LUZP2: variants seen among roughly 807,000 people sequenced by gnomAD.
LUZP2 encodes the protein leucine zipper protein 2.
Under a neutral mutation model 51.6 loss-of-function variants are expected in LUZP2, and 52 were observed. That is an observed-to-expected ratio of 1.01 (90% CI 0.81 to 1.27). The LOEUF is 1.27. Among genes scored for constraint, LUZP2 ranks in the 50% most tolerant of loss-of-function variants. The pLI, the probability that LUZP2 is intolerant of heterozygous loss-of-function variation, is 0.00. For synonymous variants in LUZP2, 154 were observed against 137.3 expected (o/e 1.12, Z -0.85); for missense variants, 436 against 395.4 (o/e 1.10, Z -0.87).
chr11:24,973,979 A>C (rs1459663695), intron 7 of LUZP2, among the ~76,000 whole-genome samples: 1 of 151,752 alleles, frequency 6.6e-6, no homozygotes, highest in Non-Finnish European at 1.5e-5. Context: ...TTCAGTTCCT[A>C]ATTATCTTTG....
At chr11:24,537,130 C>G (rs1472563281) in intron 1 of LUZP2, among the ~76,000 whole-genome samples, 1 of 151,776 alleles carries the variant, frequency 6.6e-6, no homozygotes, top group Non-Finnish European at 1.5e-5. Context: ...GACTACAGAT[C>G]ACTATAATGG....
In LUZP2 at chr11:24,729,203, G is replaced by T. The variant is rs1170322649; in HGVS notation, c.97G>T (p.Glu33Ter). 3.8e-6 allele frequency: 6 copies of T among 1,575,488 alleles called. No individual in the cohort carries two copies. The highest frequency in any genetic ancestry group is 4.3e-6 in the Non-Finnish European group (5 of 1,154,302). ...TGAAGAGCTAGAAAAGCAGCTGAAAGAAGTCTTTAAGGAGCGAAGCACCAT... is the reference window on the plus strand; with the variant it reads ...TGAAGAGCTAGAAAAGCAGCTGAAATAAGTCTTTAAGGAGCGAAGCACCAT... ...DYEELEKQLK[E>*]VFKERSTILR... The change falls in exon 2 of 12, where the codon GAA (glutamate) becomes TAA (stop). Residue 33 changes from glutamate to a stop codon, truncating the protein, a stop_gained. Coordinates refer to ENST00000336930, the MANE Select transcript of LUZP2 (RefSeq NM_001009909.4). LOFTEE classifies it high-confidence loss of function.
chr11:24,532,862 T>A (rs1851053007), intron 1 of LUZP2, among the ~76,000 whole-genome samples: 1 of 151,092 alleles, frequency 6.6e-6, no homozygotes, highest in South Asian at 2.1e-4. Flanking sequence ...TCAGGTAAAT[T>A]GTATAATAAA....
At chr11:24,719,380 A>T (rs977927823) in intron 1 of LUZP2, among the ~76,000 whole-genome samples, 1 of 152,182 alleles carries the variant, frequency 6.6e-6, no homozygotes, top group African/African-American at 2.4e-5. Flanking sequence ...TGGCCCCAAA[A>T]TATCCATCTT....
chr11:24,860,024 A>G (rs1851690895), intron 5 of LUZP2, among the ~76,000 whole-genome samples: 1 of 152,192 alleles, frequency 6.6e-6, no homozygotes, highest in Non-Finnish European at 1.5e-5. Flanking sequence ...AACCGGTGCT[A>G]GGACTCACAA....
At chr11:25,050,995 G>C (rs1412064195) in intron 10 of LUZP2, among the ~76,000 whole-genome samples, 4 of 152,076 alleles carry the variant, frequency 2.6e-5, no homozygotes, top group Non-Finnish European at 5.9e-5. Context: ...ATTTAGATTT[G>C]AGAACAGCAA....
intron 1 of LUZP2, among the ~76,000 whole-genome samples, chr11:24,579,185 A>T (rs947186227): frequency 5.3e-5 from 8 of 152,148 alleles, no homozygotes; most frequent in African/African-American, 1.7e-4. Flanking sequence ...GACACAGAGC[A>T]TATAGAATAT....
intron 5 of LUZP2, among the ~76,000 whole-genome samples, chr11:24,880,234 A>G (rs952770984): frequency 1.3e-5 from 2 of 151,960 alleles, no homozygotes; most frequent in Non-Finnish European, 2.9e-5. Context: ...CTGCTGTGAC[A>G]CTGAGTTTAG....
At chr11:24,677,200 T>C (rs1034195811) in intron 1 of LUZP2, among the ~76,000 whole-genome samples, 1 of 152,214 alleles carries the variant, frequency 6.6e-6, no homozygotes, top group Non-Finnish European at 1.5e-5. Context: ...GCCGCCCTCA[T>C]GCTTCCATTC....
At chr11:24,607,676 A>C (rs1853974816) in intron 1 of LUZP2, among the ~76,000 whole-genome samples, 1 of 152,052 alleles carries the variant, frequency 6.6e-6, no homozygotes, top group Non-Finnish European at 1.5e-5. Context: ...TGTGAAAAAT[A>C]CTGTTGGAGC....
intron 9 of LUZP2, among the ~76,000 whole-genome samples, chr11:24,994,738 T>C (rs1000403521): frequency 1.3e-5 from 2 of 152,212 alleles, no homozygotes; most frequent in Non-Finnish European, 2.9e-5. Flanking sequence ...TTAACAATAT[T>C]AAATCTTCGA....
intron 1 of LUZP2, among the ~76,000 whole-genome samples, chr11:24,646,386 TTTAG>T (rs1855463286): frequency 6.6e-6 from 1 of 152,102 alleles, no homozygotes; most frequent in African/African-American, 2.4e-5. Context: ...ACACGTATGG[TTTAG>T]TTTACTTACT....
chr11:24,896,624 G>A (rs1022413281), intron 5 of LUZP2, among the ~76,000 whole-genome samples: 4 of 152,044 alleles, frequency 2.6e-5, no homozygotes, highest in Admixed American at 6.6e-5. Context: ...CCTGACAGGC[G>A]CTGCCCCCTG....
At chr11:24,948,907 C>G (rs1481767967) in intron 7 of LUZP2, among the ~76,000 whole-genome samples, 1 of 151,212 alleles carries the variant, frequency 6.6e-6, no homozygotes, top group Admixed American at 6.6e-5. Flanking sequence ...ATAGATAGAT[C>G]AGCAGAACCA....
rs935286930 is a variant in LUZP2, at chr11:24,674,112, T to C, written c.63-55057T>C. On this transcript the variant is annotated intron_variant, in intron 1 of 11. Transcript: ENST00000336930. ...CATTAACTTACTATGTATTGGTTAC[T>C]GTCCTGGACATTGTTTTCTACATAT... 2.0e-5 allele frequency among the ~76,000 whole-genome samples: 3 copies of C among 152,330 alleles called. No individual in the cohort carries two copies. The South Asian group carries it at 6.2e-4, about 32-fold the overall frequency.
At chr11:25,066,974 A>T (rs1157239141) in intron 10 of LUZP2, among the ~76,000 whole-genome samples, 1 of 151,990 alleles carries the variant, frequency 6.6e-6, no homozygotes, top group Non-Finnish European at 1.5e-5. Flanking sequence ...TACATATGGC[A>T]ATTAAAACTA....
chr11:24,863,282 C>T (rs1363038007), intron 5 of LUZP2, among the ~76,000 whole-genome samples: 2 of 151,908 alleles, frequency 1.3e-5, no homozygotes, highest in African/African-American at 4.8e-5. Flanking sequence ...TTCAAAATAG[C>T]CTAAAAGTGG....
Position 24,595,157 on chromosome 11 carries a change from A to G in LUZP2, c.62+97852A>G, listed in dbSNP as rs1003840536. On this transcript the variant is annotated intron_variant, in intron 1 of 11. Coordinates refer to ENST00000336930, the MANE Select transcript of LUZP2 (RefSeq NM_001009909.4). Reference sequence around the variant, plus strand: ...AGGCAATTTTAATCTTTGTCAATATATAAGTCCAACTCTATTAGATTCTGA... The same window carrying G: ...AGGCAATTTTAATCTTTGTCAATATGTAAGTCCAACTCTATTAGATTCTGA... Among the ~76,000 whole-genome samples the G allele has an allele frequency of 4.9e-5, 7 of 144,136 alleles. No individual in the cohort carries two copies. The South Asian group carries it at 1.6e-3, about 32-fold the overall frequency. The allele number at this position is 144,136 out of a possible 152,430, so 94.6% of individuals were successfully genotyped here.
chr11:25,031,254 C>T (rs1231543235), intron 9 of LUZP2, among the ~76,000 whole-genome samples: 1 of 151,364 alleles, frequency 6.6e-6, no homozygotes, highest in East Asian at 2.0e-4. Context: ...TTGTGATCCA[C>T]CTGCCTCGGC....
Sources: gnomAD v4.1 joint callset for allele counts (sites outside exome capture counted in the v4.1 genomes callset) on GRCh38, gnomAD v4.1.1 for gene constraint, MANE v1.5 for transcripts, NCBI Gene and HGNC (gene_info 2026-07-23, HGNC 2026-07-21) for gene names.